GPR149: variants seen among roughly 807,000 people sequenced by gnomAD.
GPR149 encodes the protein probable G protein-coupled receptor 149.
A neutral mutation model predicts 50.2 loss-of-function variants in GPR149; 50 were observed. The observed-to-expected ratio is 1.00, with a 90% CI of 0.79 to 1.26. GPR149 has a LOEUF of 1.26. GPR149 is among the 50% of genes most tolerant of loss of function. The pLI, the probability that GPR149 is intolerant of heterozygous loss-of-function variation, is 0.00. For synonymous variants in GPR149, 405 were observed against 358.2 expected (o/e 1.13, Z -1.48); for missense variants, 983 against 895.4 (o/e 1.10, Z -1.25).
intron 2 of GPR149, among the ~76,000 whole-genome samples, chr3:154,425,415 G>C (rs1712264439): frequency 6.6e-6 from 1 of 151,990 alleles, no homozygotes; most frequent in Non-Finnish European, 1.5e-5. Context: ...TCAACCACCT[G>C]GCCCACCTAA....
At chr3:154,369,364 A>G (rs1410095532) in intron 3 of GPR149, among the ~76,000 whole-genome samples, 1 of 152,228 alleles carries the variant, frequency 6.6e-6, no homozygotes, top group Admixed American at 6.5e-5. Context: ...TTCTGTAAAC[A>G]GAAAGGTAAA....
intron 3 of GPR149, among the ~76,000 whole-genome samples, chr3:154,407,847 G>A (rs1711740463): frequency 6.6e-6 from 1 of 151,968 alleles, no homozygotes; most frequent in South Asian, 2.1e-4. Context: ...AGGAACCAGA[G>A]CTCCTTGGAA....
chr3:154,395,056 T>C (rs1715258010), intron 3 of GPR149, among the ~76,000 whole-genome samples: 1 of 152,102 alleles, frequency 6.6e-6, no homozygotes, highest in African/African-American at 2.4e-5. Flanking sequence ...AGTCTATAGT[T>C]CATGTAGGTA....
intron 3 of GPR149, among the ~76,000 whole-genome samples, chr3:154,370,364 G>A (rs1448138396): frequency 1.3e-5 from 2 of 152,128 alleles, no homozygotes; most frequent in East Asian, 3.9e-4. Context: ...CTTAGACATG[G>A]CCCTCAGACA....
intron 3 of GPR149, among the ~76,000 whole-genome samples, chr3:154,401,718 A>G (rs1438102583): frequency 9.2e-5 from 14 of 152,202 alleles, no homozygotes; most frequent in Non-Finnish European, 1.6e-4. Context: ...CTGTATAATC[A>G]TAAGTGATGC....
chr3:154,371,055 C>T (rs1254406061), intron 3 of GPR149, among the ~76,000 whole-genome samples: 1 of 152,218 alleles, frequency 6.6e-6, no homozygotes, highest in East Asian at 1.9e-4. Context: ...CCATCCAGTC[C>T]AAATCAAGCT....
intron 3 of GPR149, among the ~76,000 whole-genome samples, chr3:154,417,622 A>C: frequency 6.6e-6 from 1 of 152,098 alleles, no homozygotes; most frequent in East Asian, 1.9e-4. Flanking sequence ...TACAACCATA[A>C]AACAATCAAA....
At chr3:154,380,187 A>G (rs1265275821) in intron 3 of GPR149, among the ~76,000 whole-genome samples, 2 of 151,510 alleles carry the variant, frequency 1.3e-5, no homozygotes, top group East Asian at 1.9e-4. Context: ...AGAGAGAGAG[A>G]GAGAGAGAGA....
intron 3 of GPR149, among the ~76,000 whole-genome samples, chr3:154,394,258 C>T (rs987729613): frequency 6.6e-6 from 1 of 151,910 alleles, no homozygotes; most frequent in Non-Finnish European, 1.5e-5. Flanking sequence ...AGAAGTAAAC[C>T]CACATTTATA....
chr3:154,341,801 A>G (rs1366365577), intron 3 of GPR149, among the ~76,000 whole-genome samples: 1 of 152,192 alleles, frequency 6.6e-6, no homozygotes, highest in Non-Finnish European at 1.5e-5. Flanking sequence ...GTGGATTCCC[A>G]AGTATAATAT....
chr3:154,353,475 A>G, intron 3 of GPR149: 1 of 914,562 alleles, frequency 1.1e-6, no homozygotes, highest in East Asian at 2.4e-5. Flanking sequence ...ATCAAGCACA[A>G]CATGGCACAG....
chr3:154,353,500 A>G, intron 3 of GPR149: 3 of 893,652 alleles, frequency 3.4e-6, no homozygotes, highest in South Asian at 2.6e-5. Context: ...GAAAGATCCA[A>G]TCAGCCACTC....
At chr3:154,352,509 C>A (rs1714104261) in intron 3 of GPR149, 1 of 774,818 alleles carries the variant, frequency 1.3e-6, no homozygotes, top group African/African-American at 1.7e-5. Context: ...CGCTGTATTA[C>A]TACTTAGCTT....
Position 154,353,191 on chromosome 3 carries a change from G to A in GPR149, c.1624-14920C>T, listed in dbSNP as rs527796118. 23 of 1,533,088 alleles carry A rather than the reference G, an allele frequency of 1.5e-5. No homozygotes were observed. In the South Asian group the frequency reaches 2.0e-4, roughly 13 times the overall value. 95.0% of individuals were successfully genotyped at this position (1,533,088 alleles called of 1,614,324 possible). A position where few individuals can be genotyped will look rare whatever the true frequency, so the allele number is the denominator to read the frequency against. On this transcript the variant is annotated intron_variant, in intron 3 of 3. Coordinates refer to ENST00000389740, the MANE Select transcript of GPR149 (RefSeq NM_001038705.3). Reference sequence around the variant, plus strand: ...CCTTCAGACCCACTGTAGACTTGAAGGACATCTCCAATAACTGCTGGCCTC... The same window carrying A: ...CCTTCAGACCCACTGTAGACTTGAAAGACATCTCCAATAACTGCTGGCCTC...
chr3:154,383,215 C>T (rs1303938258), intron 3 of GPR149, among the ~76,000 whole-genome samples: 5 of 152,118 alleles, frequency 3.3e-5, no homozygotes, highest in Admixed American at 2.0e-4. Context: ...AATGAGTTGA[C>T]CCAGCTGTGG....
rs72998673 is a variant in GPR149 at position 154,367,724 on chromosome 3, C to T, written c.1624-29453G>A. On this transcript the variant is annotated intron_variant, in intron 3 of 3. Transcript: ENST00000389740. ...ACAGCTTTTTTTCTCTTGGTCTGAT[C>T]CATGTCTCTCTCTCACCATGGGCGG... Among the ~76,000 whole-genome samples the T allele has an allele frequency of 5.7e-3, 875 of 152,228 alleles. 12 individuals are homozygous for T. Among genetic ancestry groups the T allele is most frequent in the African/African-American group, 0.02 (816 of 41,542 alleles).
intron 3 of GPR149, among the ~76,000 whole-genome samples, chr3:154,339,290 G>A (rs140954060): frequency 5.4e-4 from 82 of 152,224 alleles, no homozygotes; most frequent in Middle Eastern, 3.4e-3. Context: ...AAGCCTTTCC[G>A]GTGATTCTGT....
intron 3 of GPR149, among the ~76,000 whole-genome samples, chr3:154,343,645 G>A (rs940434553): frequency 1.3e-5 from 2 of 152,108 alleles, no homozygotes; most frequent in African/African-American, 4.8e-5. Context: ...CTCAACTGGG[G>A]TATAGCTAAT....
At chr3:154,386,254 T>C (rs1171540597) in intron 3 of GPR149, among the ~76,000 whole-genome samples, 1 of 152,216 alleles carries the variant, frequency 6.6e-6, no homozygotes, top group Admixed American at 6.5e-5. Context: ...AATACCAGTT[T>C]TGAAGTACCT....
Sources: gnomAD v4.1 joint callset for allele counts (sites outside exome capture counted in the v4.1 genomes callset) on GRCh38, gnomAD v4.1.1 for gene constraint, MANE v1.5 for transcripts, NCBI Gene and HGNC (gene_info 2026-07-23, HGNC 2026-07-21) for gene names.